The following RFC1 variants were observed in gnomAD, a reference collection of about 807,000 sequenced individuals.
RFC1 encodes replication factor C subunit 1, also known as A1 140 kDa subunit.
RFC1 carries 37 observed loss-of-function variants against 137.4 expected under a neutral mutation model. The observed-to-expected ratio is 0.27, with a 90% CI of 0.21 to 0.35. The LOEUF (loss-of-function observed/expected upper bound fraction) is 0.35. Among genes scored for constraint, RFC1 ranks in the 10% least tolerant of loss-of-function variants. The probability of loss-of-function intolerance (pLI) is 1.00; values close to 1 mark genes in which losing one functional copy is unlikely to be tolerated. For missense variants in RFC1, 1,205 were observed against 1,358.5 expected (o/e 0.89, Z 1.78); for synonymous variants, 429 against 455.7 (o/e 0.94, Z 0.75).
intron 4 of RFC1, chr4:39,341,630 G>A (rs772281503): frequency 2.6e-5 from 12 of 455,922 alleles, no homozygotes; most frequent in Non-Finnish European, 5.3e-5. Flanking sequence ...GCCCTTTCAC[G>A]TACAGCATCC....
At chr4:39,329,249 C>T (rs1260241332) in intron 4 of RFC1, among the ~76,000 whole-genome samples, 1 of 151,444 alleles carries the variant, frequency 6.6e-6, no homozygotes. Context: ...CACCTGTCAT[C>T]CCAGTACTTT....
chr4:39,351,325 A>C (rs1301508403), intron 2 of RFC1, 23 bp downstream of exon 2: 1 of 1,469,342 alleles, frequency 6.8e-7, no homozygotes, highest in Non-Finnish European at 9.0e-7. Flanking sequence ...CATTCAATGC[A>C]AAATTATACC....
At chr4:39,309,975 A>G (rs978662864) in intron 12 of RFC1, among the ~76,000 whole-genome samples, 2 of 152,204 alleles carry the variant, frequency 1.3e-5, no homozygotes, top group African/African-American at 4.8e-5. Context: ...TCACTTTACT[A>G]GTGAAGGAAC....
chr4:39,340,774 G>C (rs1218932148), intron 4 of RFC1, among the ~76,000 whole-genome samples: 1 of 151,844 alleles, frequency 6.6e-6, no homozygotes, highest in East Asian at 1.9e-4. Context: ...AGATAAAACA[G>C]GCAATAATAA....
At chr4:39,310,628 T>C (rs1419172127) in intron 12 of RFC1, among the ~76,000 whole-genome samples, 1 of 152,170 alleles carries the variant, frequency 6.6e-6, no homozygotes, top group Non-Finnish European at 1.5e-5. Flanking sequence ...CTCACAGCTT[T>C]GTAGTCTGTG....
intron 1 of RFC1, among the ~76,000 whole-genome samples, chr4:39,365,153 GAA>G (rs745527928): frequency 2.4e-3 from 192 of 79,870 alleles, no homozygotes; most frequent in Middle Eastern, 0.01. Context: ...GGGTTGAAAT[GAA>G]AAAAAAAAAA....
At chr4:39,309,282 A>G (rs1261536518) in intron 12 of RFC1, among the ~76,000 whole-genome samples, 1 of 152,240 alleles carries the variant, frequency 6.6e-6, no homozygotes, top group Non-Finnish European at 1.5e-5. Context: ...AAAAGTAATA[A>G]GTACTCCAAT....
intron 11 of RFC1, 51 bp from the exon 12 acceptor site, chr4:39,311,600 T>A (rs760433080): frequency 8.5e-6 from 12 of 1,419,198 alleles, no homozygotes; most frequent in Non-Finnish European, 1.2e-5. Context: ...ATCCTACCAT[T>A]CCCTTCTCTT....
At chr4:39,345,522 C>T in intron 2 of RFC1, 46 bp from the exon 3 acceptor site, 1 of 1,473,568 alleles carries the variant, frequency 6.8e-7, no homozygotes, top group African/African-American at 1.4e-5. Flanking sequence ...GCCTATATAA[C>T]TATCTTTTTT....
At chr4:39,305,569 T>C (rs1738596053) in intron 14 of RFC1, among the ~76,000 whole-genome samples, 1 of 152,186 alleles carries the variant, frequency 6.6e-6, no homozygotes, top group East Asian at 1.9e-4. Flanking sequence ...GACCGTGCCA[T>C]TACACTCCAG....
At chr4:39,352,354 C>G (rs1741253186) in intron 1 of RFC1, among the ~76,000 whole-genome samples, 1 of 152,136 alleles carries the variant, frequency 6.6e-6, no homozygotes, top group Non-Finnish European at 1.5e-5. Context: ...CTTTAATTAC[C>G]CGTGTTAAAC....
chr4:39,336,323 A>T (rs1465659878), intron 4 of RFC1, among the ~76,000 whole-genome samples: 2 of 6,774 alleles, frequency 3.0e-4, no homozygotes, highest in Non-Finnish European at 0.027. Context: ...AGAAAGGCAG[A>T]TCCACACCAC....
At chr4:39,362,835 C>T (rs754759582) in intron 1 of RFC1, among the ~76,000 whole-genome samples, 1 of 152,210 alleles carries the variant, frequency 6.6e-6, no homozygotes, top group Non-Finnish European at 1.5e-5. Flanking sequence ...ACCTAACACA[C>T]TCAAAAGACA....
intron 1 of RFC1, among the ~76,000 whole-genome samples, chr4:39,359,417 C>T (rs1430644189): frequency 6.6e-6 from 1 of 152,130 alleles, no homozygotes; most frequent in Non-Finnish European, 1.5e-5. Flanking sequence ...TCGCAGCAAC[C>T]CAGATGGGAC....
At chr4:39,340,988 T>C (rs898859154) in intron 4 of RFC1, among the ~76,000 whole-genome samples, 9 of 152,186 alleles carry the variant, frequency 5.9e-5, no homozygotes, top group Admixed American at 1.3e-4. Flanking sequence ...AAGCTGGACA[T>C]CTCTTCACAA....
At chr4:39,365,322 C>CG (rs1741971816) in intron 1 of RFC1, 1 of 343,762 alleles carries the variant, frequency 2.9e-6, no homozygotes, top group Non-Finnish European at 4.1e-6. Flanking sequence ...ACCGCCCCCC[C>CG]CCAGAATGTT....
intron 9 of RFC1, among the ~76,000 whole-genome samples, chr4:39,319,057 G>A (rs374644593): frequency 6.6e-5 from 10 of 151,842 alleles, no homozygotes; most frequent in Non-Finnish European, 1.0e-4. Flanking sequence ...TTTCAGTATC[G>A]CAACACTGTT....
chr4:39,347,529 A>G (rs1740916376), intron 2 of RFC1, among the ~76,000 whole-genome samples: 1 of 152,246 alleles, frequency 6.6e-6, no homozygotes, highest in African/African-American at 2.4e-5. Flanking sequence ...TGGTACCAAG[A>G]AATGGGATAC....
chr4:39,322,737 C>G (rs1739580807), intron 7 of RFC1, among the ~76,000 whole-genome samples: 1 of 151,460 alleles, frequency 6.6e-6, no homozygotes, highest in Non-Finnish European at 1.5e-5. Flanking sequence ...TATGAACGTG[C>G]CAGTGTAATC....
Sources: gnomAD v4.1 joint callset for allele counts (sites outside exome capture counted in the v4.1 genomes callset) on GRCh38, gnomAD v4.1.1 for gene constraint, MANE v1.5 for transcripts, NCBI Gene and HGNC (gene_info 2026-07-23, HGNC 2026-07-21) for gene names.